Variants in ATP8A2 observed in about 807,000 individuals in gnomAD.
The protein encoded by ATP8A2 is ATPase phospholipid transporting 8A2.
ATP8A2 carries 100 observed loss-of-function variants against 165.6 expected under a neutral mutation model. That is an observed-to-expected ratio of 0.60 (90% CI 0.51 to 0.71). ATP8A2 has a LOEUF of 0.71. Among genes scored for constraint, ATP8A2 ranks in the 30% least tolerant of loss-of-function variants. The pLI is 0.00. For missense variants in ATP8A2, 1,227 were observed against 1,479.5 expected, an observed-to-expected ratio of 0.83 and a Z score of 2.80; for synonymous variants, 543 against 548.8, an observed-to-expected ratio of 0.99 and a Z score of 0.15.
chr13:25,854,647 C>G (rs996342763), intron 30 of ATP8A2, among the ~76,000 whole-genome samples: 1 of 152,178 alleles, frequency 6.6e-6, no homozygotes, highest in Admixed American at 6.5e-5. Flanking sequence ...CAAAATATTT[C>G]CAAGTGGCTT....
At chr13:25,778,619 T>C (rs2044796104) in intron 27 of ATP8A2, among the ~76,000 whole-genome samples, 1 of 152,202 alleles carries the variant, frequency 6.6e-6, no homozygotes, top group Non-Finnish European at 1.5e-5. Flanking sequence ...AATTCCAGTG[T>C]CTGGCACAAT....
chr13:25,543,506 A>G (rs1409542450), intron 10 of ATP8A2, 104 bp downstream of exon 10: 7 of 704,396 alleles, frequency 9.9e-6, no homozygotes, highest in East Asian at 2.5e-5. Context: ...AAATTTGTCT[A>G]TGAACCTAAA....
At chr13:25,839,707 T>C (rs1951710774) in intron 30 of ATP8A2, 83 bp downstream of exon 30, 1 of 1,137,088 alleles carries the variant, frequency 8.8e-7, no homozygotes, top group East Asian at 2.3e-5. Context: ...TTTTTTCCAG[T>C]TCTGCAGAAC....
chr13:25,373,577 G>T (rs566546153), intron 1 of ATP8A2, among the ~76,000 whole-genome samples: 12 of 152,200 alleles, frequency 7.9e-5, no homozygotes, highest in African/African-American at 2.4e-4. Context: ...TTGCAGGTGG[G>T]GCCAAAGGCA....
intron 27 of ATP8A2, among the ~76,000 whole-genome samples, chr13:25,813,914 T>A (rs1208228377): frequency 1.3e-5 from 2 of 152,204 alleles, no homozygotes; most frequent in Non-Finnish European, 2.9e-5. Flanking sequence ...AAAGTCCTCC[T>A]GCCTAGCTGC....
At chr13:26,009,367 C>G (rs951980811) in intron 35 of ATP8A2, among the ~76,000 whole-genome samples, 2 of 152,198 alleles carry the variant, frequency 1.3e-5, no homozygotes, top group African/African-American at 2.4e-5. Context: ...AGCTCACTCC[C>G]TGGACACCCT....
chr13:25,378,855 T>C (rs1190412669), intron 1 of ATP8A2, among the ~76,000 whole-genome samples: 1 of 152,240 alleles, frequency 6.6e-6, no homozygotes, highest in African/African-American at 2.4e-5. Flanking sequence ...AGTCTGGTGC[T>C]GTGAGAACAA....
chr13:25,692,020 C>T (rs189192818), intron 24 of ATP8A2, among the ~76,000 whole-genome samples: 28 of 152,118 alleles, frequency 1.8e-4, no homozygotes, highest in Non-Finnish European at 3.7e-4. Context: ...ATGAAAGTGG[C>T]AGGGAAATGG....
intron 24 of ATP8A2, among the ~76,000 whole-genome samples, chr13:25,605,857 T>G (rs1472647498): frequency 6.6e-6 from 1 of 152,208 alleles, no homozygotes; most frequent in Non-Finnish European, 1.5e-5. Context: ...TTCTACTGTT[T>G]ATTTTGTTAG....
At chr13:25,968,706 A>C in intron 35 of ATP8A2, 27 bp downstream of exon 35, 1 of 1,562,676 alleles carries the variant, frequency 6.4e-7, no homozygotes, top group Non-Finnish European at 8.8e-7. Context: ...CAGTCCGCAC[A>C]GAACACAGGT....
intron 4 of ATP8A2, among the ~76,000 whole-genome samples, chr13:25,532,042 G>C (rs1204581852): frequency 6.6e-6 from 1 of 152,128 alleles, no homozygotes; most frequent in African/African-American, 2.4e-5. Flanking sequence ...GAAAAGTTTT[G>C]TACTTCCAAG....
At chr13:25,405,768 T>G (rs1168646985) in intron 1 of ATP8A2, among the ~76,000 whole-genome samples, 1 of 152,254 alleles carries the variant, frequency 6.6e-6, no homozygotes, top group African/African-American at 2.4e-5. Context: ...TATACACTAT[T>G]GTGCTATGTT....
intron 33 of ATP8A2, among the ~76,000 whole-genome samples, chr13:25,896,685 T>C (rs920560860): frequency 2.0e-5 from 3 of 152,208 alleles, no homozygotes; most frequent in Admixed American, 6.5e-5. Flanking sequence ...TTTGTAGTTC[T>C]CTAAGGACTT....
chr13:25,415,370 T>C (rs1333374401), intron 1 of ATP8A2, among the ~76,000 whole-genome samples: 2 of 152,176 alleles, frequency 1.3e-5, no homozygotes, highest in African/African-American at 4.8e-5. Context: ...TCCCACCATC[T>C]GTACAACTAA....
intron 33 of ATP8A2, among the ~76,000 whole-genome samples, chr13:25,888,813 C>G (rs372838593): frequency 6.6e-6 from 1 of 152,292 alleles, no homozygotes; most frequent in East Asian, 1.9e-4. Context: ...GAGTCAAGAT[C>G]GCACCATTGC....
chr13:25,555,388 G>A (rs1428606310), intron 13 of ATP8A2, among the ~76,000 whole-genome samples: 1 of 152,128 alleles, frequency 6.6e-6, no homozygotes, highest in African/African-American at 2.4e-5. Flanking sequence ...GGAAAACGAT[G>A]GCTGAGATAC....
intron 33 of ATP8A2, among the ~76,000 whole-genome samples, chr13:25,901,591 T>C (rs560718116): frequency 6.2e-4 from 95 of 152,264 alleles, no homozygotes; most frequent in Middle Eastern, 6.8e-3. Context: ...TATTTGTTTT[T>C]CCATTATTTT....
At chr13:25,589,202 T>A (rs932983680) in intron 23 of ATP8A2, among the ~76,000 whole-genome samples, 2 of 152,142 alleles carry the variant, frequency 1.3e-5, no homozygotes, top group Non-Finnish European at 2.9e-5. Flanking sequence ...ACTCCCTCAG[T>A]GTATTCCTTT....
chr13:25,516,876 G>A (rs1384569660), intron 2 of ATP8A2, among the ~76,000 whole-genome samples: 2 of 151,150 alleles, frequency 1.3e-5, no homozygotes, highest in African/African-American at 4.9e-5. Flanking sequence ...CGCTTTCTGG[G>A]TTCAAGCGAT....
Sources: gnomAD v4.1 joint callset for allele counts (sites outside exome capture counted in the v4.1 genomes callset) on GRCh38, gnomAD v4.1.1 for gene constraint, MANE v1.5 for transcripts, NCBI Gene and HGNC (gene_info 2026-07-23, HGNC 2026-07-21) for gene names.